Variants in ZNF841 observed in about 807,000 individuals in gnomAD.
The protein encoded by ZNF841 is zinc finger protein 841.
Under a neutral mutation model 13.0 loss-of-function variants are expected in ZNF841, and 11 were observed. That is an observed-to-expected ratio of 0.85 (90% confidence interval 0.53 to 1.40). The LOEUF is 1.40. Among genes scored for constraint, ZNF841 ranks in the 40% most tolerant of loss-of-function variants. The pLI is 0.00. For synonymous variants in ZNF841, 369 were observed against 381.6 expected, an observed-to-expected ratio of 0.97 and a Z score of 0.38; for missense variants, 1,068 against 1,139.5, an observed-to-expected ratio of 0.94 and a Z score of 0.90.
chr19:52,061,342 C>A (rs906497900), downstream of ZNF841, among the ~76,000 whole-genome samples: 7 of 152,270 alleles, frequency 4.6e-5, no homozygotes, highest in African/African-American at 1.7e-4. Context: ...GAACAATGGG[C>A]AGTCTTGGTA....
chr19:52,075,126 G>T (rs918466927), intron 6 of ZNF841, among the ~76,000 whole-genome samples: 4 of 152,112 alleles, frequency 2.6e-5, no homozygotes, highest in African/African-American at 9.7e-5. Flanking sequence ...ACCCCAAGAT[G>T]GGTTATCACA....
downstream of ZNF841, among the ~76,000 whole-genome samples, chr19:52,059,689 C>CT (rs1428848938): frequency 4.6e-5 from 7 of 152,086 alleles, no homozygotes; most frequent in Admixed American, 2.6e-4. Context: ...TGGCGTGAGC[C>CT]TGTGATCCTG....
chr19:52,091,601 A>G (rs149731734), intron 2 of ZNF841, among the ~76,000 whole-genome samples: 1 of 152,350 alleles, frequency 6.6e-6, no homozygotes, highest in Non-Finnish European at 1.5e-5. Flanking sequence ...CAGTCTCATC[A>G]ATAAATCCTG....
chr19:52,078,615 C>T (rs919522307), intron 4 of ZNF841, among the ~76,000 whole-genome samples: 2 of 150,102 alleles, frequency 1.3e-5, no homozygotes, highest in Non-Finnish European at 2.9e-5. Context: ...AGGAGAATGG[C>T]ATGAACCCGG....
Position 52,066,099 on chromosome 19 carries a change from T to C in ZNF841, c.1783A>G (p.Lys595Glu). 4 of 1,614,180 alleles carry C rather than the reference T, an allele frequency of 2.5e-6. No individual in the cohort carries two copies. The highest frequency in any genetic ancestry group is 3.4e-6 in the Non-Finnish European group (4 of 1,180,026). The change falls in exon 7 of 7, where the codon AAA becomes GAA. Residue 595 changes from lysine to glutamate, a missense_variant. By Grantham distance (56) the Lys-to-Glu change is moderately conservative. Coordinates refer to ENST00000594440, the MANE Select transcript of ZNF841 (RefSeq NM_001136499.2). ...CCACACACATTACATTTGTAAGGTT[T>C]CTCTCCGGTATGCATTCTTTGATGA... ...ARHQRMHTGE[K>E]PYKCNVCGKV...
At chr19:52,078,991 A>G in intron 4 of ZNF841, among the ~76,000 whole-genome samples, 1 of 152,106 alleles carries the variant, frequency 6.6e-6, no homozygotes, top group Non-Finnish European at 1.5e-5. Flanking sequence ...ATTCTTAGAC[A>G]TGTATGTTTT....
chr19:52,088,259 C>T (rs2088355604), intron 3 of ZNF841, among the ~76,000 whole-genome samples: 1 of 152,130 alleles, frequency 6.6e-6, no homozygotes, highest in Admixed American at 6.5e-5. Flanking sequence ...TTAGGCCTTG[C>T]TTCTCACTTC....
In ZNF841 at chr19:52,065,954, T is replaced by A; in HGVS notation, c.1928A>T (p.His643Leu). ...VFSYYSCLAR[H>L]RKIHTGEKPY... ...TTTCTCTCCGGTATGAATTTTCCGATGACGTGCTAGGCATGAGTAGTAACT... is the reference window on the plus strand; with the variant it reads ...TTTCTCTCCGGTATGAATTTTCCGAAGACGTGCTAGGCATGAGTAGTAACT... Residue 643 changes from histidine (H) to leucine (L), a missense_variant, in exon 7 of 7, where the codon CAT becomes CTT. Coordinates refer to ENST00000594440, the MANE Select transcript of ZNF841 (RefSeq NM_001136499.2). 1 of 1,614,224 alleles carries A rather than the reference T, an allele frequency of 6.2e-7. No homozygotes were observed. The highest frequency in any genetic ancestry group is 8.5e-7 in the Non-Finnish European group (1 of 1,180,030).
chr19:52,065,815 AG>A lies in ZNF841; in HGVS notation c.2066del (p.Ala689ValfsTer125), dbSNP rs769217264. 6 of 1,613,046 alleles carry A rather than the reference AG, an allele frequency of 3.7e-6. No individual in the cohort carries two copies. Among genetic ancestry groups the A allele is most frequent in the Non-Finnish European group, 5.1e-6 (6 of 1,179,374 alleles). On this transcript the variant is annotated frameshift_variant, in exon 7 of 7. Coordinates refer to ENST00000594440, the MANE Select transcript of ZNF841 (RefSeq NM_001136499.2). LOFTEE classifies it low-confidence loss of function (END_TRUNC). ...TTGCAAGTTTTGAACTTTGGATAAA[AG>A]CCTCACCAAATTCATTACAGTGGTA... The part of the protein sequence containing the change: ...NPYHCNEFGE[A>X]FIQSSKLARY...
chr19:52,087,778 G>C (rs1021239615), intron 3 of ZNF841, among the ~76,000 whole-genome samples: 7 of 151,972 alleles, frequency 4.6e-5, no homozygotes, highest in Non-Finnish European at 8.8e-5. Context: ...CTGAGGTCAG[G>C]AGATTGAGAC....
At chr19:52,076,244 A>G (rs2080573453) in intron 5 of ZNF841, 72 bp from the exon 6 acceptor site, 6 of 1,497,112 alleles carry the variant, frequency 4.0e-6, no homozygotes, top group African/African-American at 1.4e-5. Flanking sequence ...GGTAGAAGAG[A>G]AAACACTGCA....
chr19:52,076,825 G>T, intron 5 of ZNF841, 133 bp downstream of exon 5: 1 of 1,118,984 alleles, frequency 8.9e-7, no homozygotes, highest in South Asian at 1.4e-5. Context: ...GCAGCATTAT[G>T]AAGCTTTTTA....
In ZNF841 at chr19:52,065,436, T is replaced by C; in HGVS notation, c.2446A>G (p.Thr816Ala). 1 of 1,613,986 alleles carries C rather than the reference T, an allele frequency of 6.2e-7. No individual in the cohort carries two copies. The highest frequency in any genetic ancestry group is 8.5e-7 in the Non-Finnish European group (1 of 1,179,962). ...SILLNHQMMH[T>A]GEKPYKCNEC... ...TTACATTTATAAGGTTTCTCTCCAGTATGCATCATCTGATGATTAAGCAGA... is the reference window on the plus strand; with the variant it reads ...TTACATTTATAAGGTTTCTCTCCAGCATGCATCATCTGATGATTAAGCAGA... Residue 816 changes from threonine (T) to alanine (A), a missense_variant, in exon 7 of 7, where the codon ACT becomes GCT. Coordinates refer to ENST00000594440, the MANE Select transcript of ZNF841 (RefSeq NM_001136499.2).
intron 4 of ZNF841, among the ~76,000 whole-genome samples, chr19:52,083,826 T>A (rs2088180454): frequency 6.6e-6 from 1 of 151,934 alleles, no homozygotes; most frequent in Admixed American, 6.6e-5. Context: ...ACCTTTTTTT[T>A]TTTTTTGCTT....
At chr19:52,092,903 G>A (rs1165935870) in intron 2 of ZNF841, among the ~76,000 whole-genome samples, 2 of 152,200 alleles carry the variant, frequency 1.3e-5, no homozygotes, top group Non-Finnish European at 2.9e-5. Context: ...GGCAGATCAC[G>A]AGGTCAGGAG....
At chr19:52,094,785 TCTG>T (rs2088616108) in intron 1 of ZNF841, among the ~76,000 whole-genome samples, 1 of 152,098 alleles carries the variant, frequency 6.6e-6, no homozygotes, top group African/African-American at 2.4e-5. Flanking sequence ...CCACTGTCTG[TCTG>T]TCTGCAGTGC....
intron 6 of ZNF841, among the ~76,000 whole-genome samples, chr19:52,073,582 T>C (rs2087804784): frequency 6.6e-6 from 1 of 152,250 alleles, no homozygotes; most frequent in Non-Finnish European, 1.5e-5. Context: ...GTGCTGGGAT[T>C]ACAGGCATGA....
At chr19:52,083,839 G>C (rs1428564493) in intron 4 of ZNF841, among the ~76,000 whole-genome samples, 1 of 118,524 alleles carries the variant, frequency 8.4e-6, no homozygotes, top group Non-Finnish European at 1.8e-5. Context: ...TTTTGCTTTT[G>C]TGGCAAAAAC....
intron 6 of ZNF841, 45 bp from the exon 7 acceptor site, chr19:52,067,655 G>T (rs765985593): frequency 2.3e-6 from 3 of 1,307,564 alleles, no homozygotes; most frequent in African/African-American, 3.0e-5. Flanking sequence ...ACTATTATTG[G>T]TAAATATTAT....
Sources: gnomAD v4.1 joint callset for allele counts (sites outside exome capture counted in the v4.1 genomes callset) on GRCh38, gnomAD v4.1.1 for gene constraint, MANE v1.5 for transcripts, NCBI Gene and HGNC (gene_info 2026-07-23, HGNC 2026-07-21) for gene names.